ARID1B: variants seen among roughly 807,000 people sequenced by gnomAD.
ARID1B encodes AT-rich interactive domain-containing protein 1B.
ARID1B carries 30 observed loss-of-function variants against 212.3 expected under a neutral mutation model. That is an observed-to-expected ratio of 0.14 (90% CI 0.11 to 0.19). The LOEUF (loss-of-function observed/expected upper bound fraction) is 0.19, where lower values mean the gene tolerates loss of function less well. Ranked by LOEUF, ARID1B falls within the 10% of genes least tolerant of loss-of-function variation. The probability of loss-of-function intolerance (pLI) is 1.00; values close to 1 mark genes in which losing one functional copy is unlikely to be tolerated. For synonymous variants in ARID1B, 1,402 were observed against 1,301.7 expected, an observed-to-expected ratio of 1.08 and a Z score of -1.66; for missense variants, 2,891 against 3,204.0, an observed-to-expected ratio of 0.90 and a Z score of 2.36.
At chr6:156,994,037 A>C (rs1301175582) in intron 4 of ARID1B, among the ~76,000 whole-genome samples, 3 of 152,252 alleles carry the variant, frequency 2.0e-5, no homozygotes, top group African/African-American at 7.2e-5. Context: ...GAAGTTTGTC[A>C]GGTATGTAGA....
At chr6:157,199,151 A>T (rs1393286830) in intron 17 of ARID1B, among the ~76,000 whole-genome samples, 1 of 152,252 alleles carries the variant, frequency 6.6e-6, no homozygotes, top group Admixed American at 6.5e-5. Context: ...AGTTGAGTGT[A>T]TTCATCCTTG....
intron 3 of ARID1B, among the ~76,000 whole-genome samples, chr6:156,924,611 A>T (rs1019108988): frequency 6.6e-6 from 1 of 152,154 alleles, no homozygotes; most frequent in Non-Finnish European, 1.5e-5. Context: ...TATTTCTGGA[A>T]TTTTTTCCCT....
intron 5 of ARID1B, 109 bp from the exon 6 acceptor site, chr6:157,110,363 T>A (rs760354360): frequency 6.7e-6 from 6 of 899,656 alleles, no homozygotes; most frequent in Non-Finnish European, 1.1e-5. Context: ...AATGGGGCTA[T>A]ACCTTTTGTG....
At chr6:157,191,170 A>AGC (rs1232097649) in intron 15 of ARID1B, among the ~76,000 whole-genome samples, 1 of 152,076 alleles carries the variant, frequency 6.6e-6, no homozygotes, top group African/African-American at 2.4e-5. Context: ...AGGTAAGAGT[A>AGC]GCTTTGGGGA....
chr6:156,827,145 A>C (rs889024864), intron 1 of ARID1B, among the ~76,000 whole-genome samples: 3 of 151,688 alleles, frequency 2.0e-5, no homozygotes, highest in Admixed American at 6.6e-5. Context: ...TTCTCTACCT[A>C]TTTTTCCAGG....
chr6:157,164,373 C>T (rs1791172199), intron 8 of ARID1B, among the ~76,000 whole-genome samples: 1 of 152,178 alleles, frequency 6.6e-6, no homozygotes, highest in Admixed American at 6.5e-5. Flanking sequence ...ACAGTGCTGT[C>T]CTGGGGGAGA....
intron 7 of ARID1B, among the ~76,000 whole-genome samples, chr6:157,134,862 T>C (rs1788808145): frequency 1.3e-5 from 2 of 152,332 alleles, no homozygotes; most frequent in South Asian, 2.1e-4. Context: ...GTTCTCAGAA[T>C]TGGGTGTGGC....
At position 156,983,107 on chromosome 6, in the gene ARID1B, AG is replaced by A. The variant is rs1777709327; in HGVS notation, c.2247+47532del. On this transcript the variant is annotated intron_variant, in intron 4 of 19. Transcript: ENST00000636930. ...GAGACCCTGTCTCAAAAAAAAAAAAAGAAAAAAAAGAAAGGCCTGGCACAGT... is the reference window on the plus strand; with the variant it reads ...GAGACCCTGTCTCAAAAAAAAAAAAAAAAAAAAAGAAAGGCCTGGCACAGT... 3.3e-5 allele frequency among the ~76,000 whole-genome samples: 5 copies of A among 151,760 alleles called. No homozygotes were observed. In the South Asian group the frequency reaches 1.0e-3, roughly 31 times the overall value.
At chr6:156,896,753 C>T (rs1414285733) in intron 2 of ARID1B, among the ~76,000 whole-genome samples, 3 of 151,966 alleles carry the variant, frequency 2.0e-5, no homozygotes, top group Admixed American at 1.3e-4. Flanking sequence ...GTGGCATGCA[C>T]CTATAATCCC....
chr6:157,115,040 C>G (rs1787232877), intron 6 of ARID1B, among the ~76,000 whole-genome samples: 1 of 152,200 alleles, frequency 6.6e-6, no homozygotes, highest in African/African-American at 2.4e-5. Context: ...CCTCTGGTGA[C>G]AGCAAGGTCA....
At chr6:157,063,685 T>C (rs1258590628) in intron 4 of ARID1B, among the ~76,000 whole-genome samples, 3 of 152,236 alleles carry the variant, frequency 2.0e-5, no homozygotes, top group South Asian at 2.1e-4. Flanking sequence ...TTCTCAATTT[T>C]ATTGTTATGT....
At chr6:156,873,771 C>T (rs1786328131) in intron 2 of ARID1B, among the ~76,000 whole-genome samples, 1 of 152,204 alleles carries the variant, frequency 6.6e-6, no homozygotes, top group Non-Finnish European at 1.5e-5. Context: ...CACCTGTGGA[C>T]AGTCTCAGGC....
chr6:156,818,925 A>G (rs1432501700), intron 1 of ARID1B, among the ~76,000 whole-genome samples: 2 of 152,060 alleles, frequency 1.3e-5, no homozygotes, highest in Admixed American at 6.5e-5. Context: ...TAATGATGAT[A>G]ATAAAATCTA....
At chr6:156,821,786 T>C (rs1195695226) in intron 1 of ARID1B, among the ~76,000 whole-genome samples, 3 of 152,204 alleles carry the variant, frequency 2.0e-5, no homozygotes, top group Non-Finnish European at 4.4e-5. Context: ...GTATGCTAAA[T>C]TGAGGGTTCC....
chr6:156,967,472 T>G (rs1416498101), intron 4 of ARID1B, among the ~76,000 whole-genome samples: 2 of 152,236 alleles, frequency 1.3e-5, no homozygotes, highest in African/African-American at 4.8e-5. Flanking sequence ...CTGATGCTTT[T>G]GTCTTTTGAC....
chr6:157,132,926 C>G, intron 6 of ARID1B, 102 bp from the exon 7 acceptor site: 1 of 1,255,900 alleles, frequency 8.0e-7, no homozygotes, highest in East Asian at 2.4e-5. Context: ...ATGGTACCAG[C>G]CTTCTCCCCT....
chr6:156,929,545 A>G (rs1184749722), intron 3 of ARID1B, among the ~76,000 whole-genome samples: 2 of 152,236 alleles, frequency 1.3e-5, no homozygotes, highest in Non-Finnish European at 1.5e-5. Context: ...ACAAAGAGAA[A>G]AGGATCAAGA....
rs571134977 is a variant in ARID1B, at chr6:156,798,846, G to A, written c.1791+19375G>A. Among the ~76,000 whole-genome samples the A allele has an allele frequency of 1.3e-4, 20 of 152,300 alleles. No homozygotes were observed. The South Asian group carries it at 4.1e-3, about 32-fold the overall frequency. ...AGCATGGTCAGCATGAGTAAATGTT[G>A]TTAATTGTACATTTTCTCTTTACCC... is the stretch of plus-strand genomic sequence containing the variant. On this transcript the variant is annotated intron_variant, in intron 1 of 19. Transcript: ENST00000636930.
At chr6:156,977,972 C>A (rs1477351319) in intron 4 of ARID1B, among the ~76,000 whole-genome samples, 1 of 152,112 alleles carries the variant, frequency 6.6e-6, no homozygotes, top group African/African-American at 2.4e-5. Flanking sequence ...CCCTCTCTGG[C>A]GGGTGGGAGC....
Sources: allele counts gnomAD v4.1 joint callset (sites outside exome capture counted in the v4.1 genomes callset), GRCh38; gene constraint gnomAD v4.1.1; transcripts MANE v1.5; gene names NCBI Gene and HGNC (gene_info 2026-07-23, HGNC 2026-07-21).